CDK15: variants seen among roughly 807,000 people sequenced by gnomAD.
CDK15 encodes cyclin-dependent kinase 15.
Under a neutral mutation model 60.3 loss-of-function variants are expected in CDK15, and 62 were observed. That is an observed-to-expected ratio of 1.03 (90% confidence interval 0.84 to 1.27). The LOEUF is 1.27. Ranked by LOEUF, CDK15 falls within the 50% of genes most tolerant of loss-of-function variation. The pLI, the probability that CDK15 is intolerant of heterozygous loss-of-function variation, is 0.00. For synonymous variants in CDK15, 194 were observed against 195.7 expected, an observed-to-expected ratio of 0.99 and a Z score of 0.07; for missense variants, 541 against 527.8, an observed-to-expected ratio of 1.03 and a Z score of -0.25.
At chr2:201,861,617 G>A (rs1025206721) in intron 10 of CDK15, 201 of 809,666 alleles carry the variant, frequency 2.5e-4, no homozygotes, top group Non-Finnish European at 2.8e-4. Context: ...CTGGAGTGCA[G>A]TGGCATGATC....
At chr2:201,871,948 T>C (rs547841865) in intron 10 of CDK15, among the ~76,000 whole-genome samples, 19 of 152,176 alleles carry the variant, frequency 1.2e-4, no homozygotes, top group African/African-American at 4.3e-4. Flanking sequence ...GTGAGTCAAA[T>C]TGCATTAGGG....
intron 11 of CDK15, among the ~76,000 whole-genome samples, chr2:201,874,357 G>T (rs992065947): frequency 6.6e-6 from 1 of 152,158 alleles, no homozygotes; most frequent in Non-Finnish European, 1.5e-5. Flanking sequence ...CTCTTGGAAG[G>T]GCTCTGTGAA....
chr2:201,863,786 C>T (rs897432239), intron 10 of CDK15, among the ~76,000 whole-genome samples: 2 of 152,160 alleles, frequency 1.3e-5, no homozygotes, highest in Non-Finnish European at 2.9e-5. Context: ...ATCCCAGCTA[C>T]TCAGGAGACT....
intron 12 of CDK15, 55 bp downstream of exon 12, chr2:201,880,222 G>C (rs376500300): frequency 7.5e-6 from 12 of 1,594,406 alleles, no homozygotes; most frequent in Admixed American, 1.7e-5. Context: ...GTGCGTGTGT[G>C]TGTAAGTCTT....
At chr2:201,835,984 TTATATATTTA>T (rs1168184563) in intron 8 of CDK15, among the ~76,000 whole-genome samples, 2 of 71,638 alleles carry the variant, frequency 2.8e-5, no homozygotes, top group African/African-American at 4.1e-5. Flanking sequence ...TTATATATTT[TTATATATTTA>T]TATATATTTA....
At chr2:201,827,440 G>A (rs1559120907) in intron 6 of CDK15, among the ~76,000 whole-genome samples, 1 of 152,122 alleles carries the variant, frequency 6.6e-6, no homozygotes, top group Non-Finnish European at 1.5e-5. Context: ...GGAAGACCCT[G>A]TCCCTAAAAA....
At chr2:201,846,238 A>G (rs1311052074) in intron 8 of CDK15, among the ~76,000 whole-genome samples, 1 of 152,164 alleles carries the variant, frequency 6.6e-6, no homozygotes, top group African/African-American at 2.4e-5. Context: ...CACACCTGTG[A>G]TCCCAGCACT....
At chr2:201,840,145 C>A (rs539620991) in intron 8 of CDK15, among the ~76,000 whole-genome samples, 1 of 152,100 alleles carries the variant, frequency 6.6e-6, no homozygotes, top group African/African-American at 2.4e-5. Context: ...CCATCACACC[C>A]GGCTAATTTT....
Position 201,890,939 on chromosome 2 carries a change from C to A in CDK15, c.*33+12C>A. The A allele has an allele frequency of 7.0e-7, 1 of 1,424,670 alleles. No individual in the cohort carries two copies. Among genetic ancestry groups the A allele is most frequent in the Non-Finnish European group, 9.9e-7 (1 of 1,014,304 alleles). The allele number at this position is 1,424,670 out of a possible 1,614,324, so 88.3% of individuals were successfully genotyped here. ...CAAGGTTCTTCCAGGTAAGTGGTTG[C>A]AACAGTGAGGTTCCTTATGGAACAA... On this transcript the variant is annotated intron_variant, in intron 13 of 13. Transcript: ENST00000652192.
At chr2:201,845,762 T>G (rs1163105879) in intron 8 of CDK15, among the ~76,000 whole-genome samples, 1 of 151,630 alleles carries the variant, frequency 6.6e-6, no homozygotes, top group Non-Finnish European at 1.5e-5. Flanking sequence ...TTCTTTATCA[T>G]GCCACACAAA....
At chr2:201,847,558 G>GATGGACTGC in intron 9 of CDK15, 84 bp downstream of exon 9, 2 of 1,123,914 alleles carry the variant, frequency 1.8e-6, no homozygotes, top group African/African-American at 1.5e-5. Flanking sequence ...AAATGAAGCA[G>GATGGACTGC]TCCATCTGCT....
chr2:201,833,908 A>G lies in CDK15; in HGVS notation c.667A>G (p.Arg223Gly), dbSNP rs1030353473. 5.6e-6 allele frequency: 9 copies of G among 1,613,854 alleles called. No individual in the cohort carries two copies. In the African/African-American group the frequency reaches 1.2e-4, roughly 22 times the overall value. ...AYIHHQHVLH[R>G]DLKPQNLLIS... ...CATCCACCACCAACACGTTCTTCAC[A>G]GGGACCTGAAACCTCAGAACTTACT... Residue 223 changes from arginine to glycine, a missense_variant, in exon 7 of 14, where the codon AGG becomes GGG. Physicochemically the swap from Arg to Gly is moderately radical, Grantham distance 125 (BLOSUM62 -2). Transcript: ENST00000652192.
intron 8 of CDK15, among the ~76,000 whole-genome samples, chr2:201,841,552 C>T (rs1697381543): frequency 6.6e-6 from 1 of 152,100 alleles, no homozygotes; most frequent in Admixed American, 6.6e-5. Context: ...GAGAAGATTT[C>T]CAGTTGACAA....
intron 10 of CDK15, among the ~76,000 whole-genome samples, chr2:201,862,047 T>A (rs1233754861): frequency 6.6e-6 from 1 of 152,200 alleles, no homozygotes; most frequent in Non-Finnish European, 1.5e-5. Context: ...AAACCTTGCC[T>A]GAATCCGCAC....
At chr2:201,879,031 A>G (rs756128238) in intron 11 of CDK15, among the ~76,000 whole-genome samples, 3 of 152,248 alleles carry the variant, frequency 2.0e-5, no homozygotes, top group Admixed American at 6.5e-5. Context: ...CTGAGCTGCC[A>G]GAAGACAGTC....
chr2:201,839,663 T>TAGAC (rs139883044), intron 8 of CDK15, among the ~76,000 whole-genome samples: 88,698 of 146,734 alleles, frequency 0.6, 26,822 homozygotes, highest in Admixed American at 0.69. Context: ...AGAAAAGATA[T>TAGAC]AGACAGACAG....
intron 11 of CDK15, among the ~76,000 whole-genome samples, chr2:201,874,836 C>T (rs1379594480): frequency 1.3e-5 from 2 of 152,216 alleles, no homozygotes; most frequent in Non-Finnish European, 2.9e-5. Flanking sequence ...GCATCTACTA[C>T]ATCCCAAACT....
At chr2:201,877,292 C>A (rs1342112708) in intron 11 of CDK15, among the ~76,000 whole-genome samples, 1 of 152,230 alleles carries the variant, frequency 6.6e-6, no homozygotes, top group Non-Finnish European at 1.5e-5. Context: ...GCCCTCACTA[C>A]AGGGCAGTTC....
intron 10 of CDK15, among the ~76,000 whole-genome samples, chr2:201,865,656 G>A (rs951371351): frequency 9.2e-5 from 14 of 151,990 alleles, no homozygotes; most frequent in Admixed American, 2.0e-4. Flanking sequence ...TTGGGAGGCC[G>A]AGGCGGGTGG....
Sources: allele counts gnomAD v4.1 joint callset (sites outside exome capture counted in the v4.1 genomes callset), GRCh38; gene constraint gnomAD v4.1.1; transcripts MANE v1.5; gene names NCBI Gene and HGNC (gene_info 2026-07-23, HGNC 2026-07-21).